NUP42: variants seen among roughly 807,000 people sequenced by gnomAD.
The protein encoded by NUP42 is nucleoporin NUP42.
Under a neutral mutation model 35.9 loss-of-function variants are expected in NUP42, and 47 were observed. That is an observed-to-expected ratio of 1.31 (90% CI 1.04 to 1.67). The LOEUF (loss-of-function observed/expected upper bound fraction) is 1.67, where lower values mean the gene tolerates loss of function less well. Among genes scored for constraint, NUP42 ranks in the 40% most tolerant of loss-of-function variants. NUP42 has a pLI of 0.00. For missense variants in NUP42, 514 were observed against 492.2 expected (o/e 1.04, Z -0.42); for synonymous variants, 173 against 173.3 (o/e 1.00, Z 0.01).
At chr7:23,192,358 A>G (rs1785821737) in intron 3 of NUP42, among the ~76,000 whole-genome samples, 1 of 152,084 alleles carries the variant, frequency 6.6e-6, no homozygotes, top group African/African-American at 2.4e-5. Flanking sequence ...AACCTGGCCA[A>G]TGTGGTGAAA....
intron 5 of NUP42, chr7:23,197,206 C>T (rs983799659): frequency 1.5e-6 from 2 of 1,301,744 alleles, no homozygotes; most frequent in South Asian, 1.2e-5. Flanking sequence ...CCACCTGTCT[C>T]CAAAGATCTA....
chr7:23,187,082 G>A lies in NUP42; in HGVS notation c.381G>A (p.Trp127Ter). 5 of 1,603,526 alleles carry A rather than the reference G, an allele frequency of 3.1e-6. No homozygotes were observed. The highest frequency in any genetic ancestry group is 4.3e-6 in the Non-Finnish European group (5 of 1,175,556). The change falls in exon 3 of 7, where the codon TGG becomes TGA. Residue 127 changes from tryptophan to a stop codon, truncating the protein, a stop_gained. Coordinates refer to ENST00000258742, the MANE Select transcript of NUP42 (RefSeq NM_007342.3). LOFTEE classifies it high-confidence loss of function. ...GAATTGTAAAAGATATGGAGGTTTG[G>A]GAATCATCAGGGCAGTGGATGTTTT... is the stretch of plus-strand genomic sequence containing the variant. ...LEGIVKDMEV[W>*]ESSGQWMFSV... is the part of the protein sequence containing the mutation.
In NUP42 at chr7:23,184,897, T is replaced by C. The variant is rs550201133; in HGVS notation, c.122-173T>C. ...GGTTTGCGCCTGTGGTCCCAGCTACTCAGGAGGCTGAGGTGGGAGGATCGA... is the reference window on the plus strand; with the variant it reads ...GGTTTGCGCCTGTGGTCCCAGCTACCCAGGAGGCTGAGGTGGGAGGATCGA... On this transcript the variant is annotated intron_variant, in intron 1 of 6. Transcript: ENST00000258742. Among the ~76,000 whole-genome samples, 12 of 152,214 alleles carry C rather than the reference T, an allele frequency of 7.9e-5. 1 individual carries two copies. The South Asian group carries it at 2.5e-3, about 32-fold the overall frequency.
At chr7:23,188,000 A>ATTTTTT (rs770824203) in intron 3 of NUP42, 2 of 974,592 alleles carry the variant, frequency 2.1e-6, no homozygotes, top group African/African-American at 3.7e-5. Flanking sequence ...CTCTTTTTTT[A>ATTTTTT]TTTTTTATTT....
At chr7:23,194,400 AGGCTGG>A (rs1197407711) in intron 3 of NUP42, 12 of 156,274 alleles carry the variant, frequency 7.7e-5, no homozygotes, top group South Asian at 3.9e-4. Context: ...TTTGTTGCCC[AGGCTGG>A]AGTGCAGTGG....
In NUP42 at chr7:23,195,779, G is replaced by C. The variant is rs546187710; in HGVS notation, c.446-60G>C. The C allele has an allele frequency of 4.2e-5, 46 of 1,104,284 alleles. No homozygotes were observed. In the East Asian group the frequency reaches 1.1e-3, roughly 26 times the overall value. 68.4% of individuals were successfully genotyped at this position (1,104,284 alleles called of 1,614,324 possible). A position where few individuals can be genotyped will look rare whatever the true frequency, so the allele number is the denominator to read the frequency against. On this transcript the variant is annotated intron_variant, in intron 3 of 6. Coordinates refer to ENST00000258742, the MANE Select transcript of NUP42 (RefSeq NM_007342.3). ...GATATTTTCTTGTTTAGCACCTCTA[G>C]CTTTACTATCAAAATTATTGGCATT...
chr7:23,182,502 A>C (rs982942608), intron 1 of NUP42: 7 of 1,146,346 alleles, frequency 6.1e-6, no homozygotes, highest in Non-Finnish European at 7.6e-6. Flanking sequence ...AAATGCCGGA[A>C]TTGAATATAA....
intron 3 of NUP42, chr7:23,188,191 T>C (rs1393913529): frequency 7.9e-7 from 1 of 1,269,034 alleles, no homozygotes; most frequent in Non-Finnish European, 1.0e-6. Context: ...TTCCTCTGTC[T>C]CAGTTCTAGT....
intron 3 of NUP42, among the ~76,000 whole-genome samples, chr7:23,191,634 G>T (rs1161316930): frequency 1.3e-5 from 2 of 152,200 alleles, no homozygotes; most frequent in African/African-American, 4.8e-5. Context: ...GGAATTCTTT[G>T]TAGAAAATAT....
chr7:23,185,155 G>T lies in NUP42; in HGVS notation c.207G>T (p.Trp69Cys), dbSNP rs532277781. Reference protein sequence around the residue: ...QPSSFSKSTPWGGSRDQEKPY... With the variant: ...QPSSFSKSTPCGGSRDQEKPY... ...CCAGTTTCTCCAAATCCACACCATG[G>T]GGGGGCAGCAGAGATCAAGAAAAGC... Residue 69 changes from tryptophan to cysteine, a missense_variant, in exon 2 of 7, where the codon TGG (tryptophan) becomes TGT (cysteine). Trp to Cys is a radical substitution (Grantham distance 215). Transcript: ENST00000258742. 2.2e-5 allele frequency: 35 copies of T among 1,613,990 alleles called. No homozygotes were observed. Among genetic ancestry groups the T allele is most frequent in the African/African-American group, 2.7e-5 (2 of 74,904 alleles).
In NUP42 at chr7:23,193,389, G is replaced by A. The variant is rs895728806; in HGVS notation, c.446-2450G>A. Among the ~76,000 whole-genome samples the A allele has an allele frequency of 3.9e-5, 6 of 152,174 alleles. No homozygotes were observed. The East Asian group carries it at 5.8e-4, about 15-fold the overall frequency. On this transcript the variant is annotated intron_variant, in intron 3 of 6. Transcript: ENST00000258742. ...GTTTTGACAGGGTGCTGATTGGTGC[G>A]TTTACAATCCCTGAGCTAGACACAA...
rs370099330 is a variant in NUP42, at chr7:23,195,957, C to T, written c.522+42C>T. ...TTAATCTACTGCAATAACAGATGAGCTCTTAATTACTGCTTTCTTTATCGT... is the reference window on the plus strand; with the variant it reads ...TTAATCTACTGCAATAACAGATGAGTTCTTAATTACTGCTTTCTTTATCGT... On this transcript the variant is annotated intron_variant, in intron 4 of 6. Coordinates refer to ENST00000258742, the MANE Select transcript of NUP42 (RefSeq NM_007342.3). 320 of 1,191,792 alleles carry T rather than the reference C, an allele frequency of 2.7e-4. 1 individual carries two copies. Among genetic ancestry groups the T allele is most frequent in the Admixed American group, 4.3e-4 (21 of 49,286 alleles). The allele number at this position is 1,191,792 out of a possible 1,614,324, so 73.8% of individuals were successfully genotyped here. A position where few individuals can be genotyped will look rare whatever the true frequency, so the allele number is the denominator to read the frequency against.
chr7:23,186,973 T>A, intron 2 of NUP42, 79 bp from the exon 3 acceptor site: 3 of 947,262 alleles, frequency 3.2e-6, no homozygotes, highest in Middle Eastern at 2.2e-4. Context: ...AATTTTCAGT[T>A]GTGGAAAACC....
chr7:23,190,089 C>T (rs1267091359), intron 3 of NUP42, among the ~76,000 whole-genome samples: 1 of 152,020 alleles, frequency 6.6e-6, no homozygotes, highest in Non-Finnish European at 1.5e-5. Flanking sequence ...AATATAATGC[C>T]ACAAAAAGTT....
chr7:23,184,568 T>A (rs1192855145), intron 1 of NUP42, among the ~76,000 whole-genome samples: 1 of 151,338 alleles, frequency 6.6e-6, no homozygotes, highest in Non-Finnish European at 1.5e-5. Context: ...GGCCACTATG[T>A]GATTTGTTGA....
At chr7:23,184,995 G>T (rs1785540459) in intron 1 of NUP42, 75 bp from the exon 2 acceptor site, 3 of 1,249,968 alleles carry the variant, frequency 2.4e-6, no homozygotes, top group South Asian at 2.9e-5. Context: ...AAAAGAGTGA[G>T]ACCCTATCTC....
At chr7:23,182,297 A>AC (rs1785434482) in intron 1 of NUP42, 91 bp downstream of exon 1, 1 of 1,514,852 alleles carries the variant, frequency 6.6e-7, no homozygotes, top group Non-Finnish European at 8.8e-7. Context: ...GCTGCTGGTG[A>AC]CCCCAACGTG....
intron 3 of NUP42, chr7:23,195,602 T>A (rs1439669219): frequency 2.7e-6 from 1 of 375,260 alleles, no homozygotes; most frequent in Non-Finnish European, 4.7e-6. Flanking sequence ...TGTTGTTCAT[T>A]CTACGCCACT....
Position 23,199,462 on chromosome 7 carries a change from C to G in NUP42, c.614C>G (p.Ser205Cys). 6.2e-7 allele frequency: 1 copy of G among 1,613,016 alleles called. No homozygotes were observed. Among genetic ancestry groups the G allele is most frequent in the Non-Finnish European group, 8.5e-7 (1 of 1,179,448 alleles). ...TTGCACACTTTTTTTTTTCAGCTCT[C>G]TGATGTAAAGGATGGAGTAAATCAA... Reference protein sequence around the residue: ...LNISTKVALLSDVKDGVNQAA... With the variant: ...LNISTKVALLCDVKDGVNQAA... The change falls in exon 6 of 7, where the codon TCT becomes TGT. Residue 205 changes from serine to cysteine, a missense_variant. Physicochemically the swap from Ser to Cys is moderately radical, Grantham distance 112. Transcript: ENST00000258742.
Sources: allele counts gnomAD v4.1 joint callset (sites outside exome capture counted in the v4.1 genomes callset), GRCh38; gene constraint gnomAD v4.1.1; transcripts MANE v1.5; gene names NCBI Gene and HGNC (gene_info 2026-07-23, HGNC 2026-07-21).